The following MTA2 variants were observed in gnomAD, a reference collection of about 807,000 sequenced individuals.
MTA2 encodes metastasis-associated protein MTA2.
MTA2 carries 22 observed loss-of-function variants against 87.1 expected under a neutral mutation model. The observed-to-expected ratio is 0.25, with a 90% CI of 0.18 to 0.36. The LOEUF (loss-of-function observed/expected upper bound fraction) is 0.36. MTA2 is among the 10% of genes least tolerant of loss of function. MTA2 has a pLI of 1.00. For synonymous variants in MTA2, 314 were observed against 310.1 expected (o/e 1.01, Z -0.13); for missense variants, 542 against 853.2 (o/e 0.64, Z 4.54).
At chr11:62,599,920 C>T (rs1942154841) in intron 3 of MTA2, among the ~76,000 whole-genome samples, 1 of 152,232 alleles carries the variant, frequency 6.6e-6, no homozygotes. Context: ...CGTCCTCATA[C>T]TCTAAATGTT....
intron 10 of MTA2, 53 bp from the exon 11 acceptor site, chr11:62,596,390 T>C: frequency 6.2e-7 from 1 of 1,613,134 alleles, no homozygotes; most frequent in East Asian, 2.2e-5. Flanking sequence ...GCAGGGAGAA[T>C]GTCATCAACT....
At position 62,594,294 on chromosome 11, in the gene MTA2, G is replaced by T; in HGVS notation, c.1806C>A (p.Pro602=). 1 of 1,614,184 alleles carries T rather than the reference G, an allele frequency of 6.2e-7. No individual in the cohort carries two copies. Among genetic ancestry groups the T allele is most frequent in the Non-Finnish European group, 8.5e-7 (1 of 1,180,038 alleles). Residue 602 remains proline (P), a synonymous_variant, in exon 17 of 18, where the codon CCC becomes CCA. Coordinates refer to ENST00000278823, the MANE Select transcript of MTA2 (RefSeq NM_004739.4). ...TTGTGGCCACAAACACCACAGGATT[G>T]GGGGCATCAGCTGGGTTTAGTTTCT... ...KRQKLNPADA[P]NPVVFVATKD... is the part of the protein sequence containing the mutation.
chr11:62,593,782 C>T lies in MTA2; in HGVS notation c.*93G>A. On this transcript the variant is annotated 3_prime_UTR_variant, in exon 18 of 18. Coordinates refer to ENST00000278823, the MANE Select transcript of MTA2 (RefSeq NM_004739.4). ...CACTTGCTCTCTTCCTTAATTCACT[C>T]CTCACTCCCTTCGACACGAAAGGGA... The T allele has an allele frequency of 6.7e-7, 1 of 1,503,274 alleles. No homozygotes were observed. The highest frequency in any genetic ancestry group is 9.1e-7 in the Non-Finnish European group (1 of 1,098,872). 93.1% of individuals were successfully genotyped at this position (1,503,274 alleles called of 1,614,324 possible). A position where few individuals can be genotyped will look rare whatever the true frequency, so the allele number is the denominator to read the frequency against.
intron 15 of MTA2, 122 bp downstream of exon 15, chr11:62,594,859 G>A (rs1358316165): frequency 1.0e-6 from 1 of 975,018 alleles, no homozygotes; most frequent in African/African-American, 1.6e-5. Flanking sequence ...AACAACAAAA[G>A]TACAGTTTGT....
rs79825424 is a variant in MTA2 at position 62,593,794 on chromosome 11, C to T, written c.*81G>A. The T allele has an allele frequency of 0.04, 62,042 of 1,549,644 alleles. 1,424 individuals are homozygous for T. The highest frequency in any genetic ancestry group is 0.056 in the Middle Eastern group (284 of 5,028). ...TCCTTAATTCACTCCTCACTCCCTT[C>T]GACACGAAAGGGAAGGGAGGTTTGG... On this transcript the variant is annotated 3_prime_UTR_variant, in exon 18 of 18. Coordinates refer to ENST00000278823, the MANE Select transcript of MTA2 (RefSeq NM_004739.4).
rs749531335 is a variant in MTA2 at position 62,597,347 on chromosome 11, C to T, written c.662G>A (p.Ser221Asn). Residue 221 changes from serine (S) to asparagine (N), a missense_variant, in exon 8 of 18, where the codon AGT becomes AAT. Transcript: ENST00000278823. ...GATATCTCGGGAGGCAGCAGCTGCACTCATGTGCAAGCTTGGCTGCCGAAT... is the reference window on the plus strand; with the variant it reads ...GATATCTCGGGAGGCAGCAGCTGCATTCATGTGCAAGCTTGGCTGCCGAAT... ...SSIRQPSLHM[S>N]AAAASRDITL... The T allele has an allele frequency of 6.2e-7, 1 of 1,611,684 alleles. No homozygotes were observed. Among genetic ancestry groups the T allele is most frequent in the Admixed American group, 1.7e-5 (1 of 59,362 alleles).
Position 62,595,684 on chromosome 11 carries a change from G to C in MTA2, c.1254+68C>G. 6.3e-7 allele frequency: 1 copy of C among 1,588,900 alleles called. No homozygotes were observed. ...ACCATATAAAGAGTTGAATATTCTG[G>C]CCTTCACCTAAGCTCACCATCAATA... On this transcript the variant is annotated intron_variant, in intron 13 of 17. Transcript: ENST00000278823. This position sits in a 1 kb window ranked among gnomAD's most constrained non-coding sequence, Gnocchi z 4.9.
Position 62,594,654 on chromosome 11 carries a change from T to G in MTA2, c.1574-20A>C. The G allele has an allele frequency of 1.2e-6, 2 of 1,602,606 alleles. No homozygotes were observed. The highest frequency in any genetic ancestry group is 3.3e-5 in the Admixed American group (2 of 59,756). On this transcript the variant is annotated intron_variant, in intron 15 of 17. Transcript: ENST00000278823. ...GGGCCACTGGAAAAAAACAGAAAAC[T>G]TTCGCACCTTTTCTTCCCACGCAGT...
intron 1 of MTA2, 69 bp downstream of exon 1, chr11:62,601,354 C>T: frequency 6.4e-7 from 1 of 1,571,954 alleles, no homozygotes; most frequent in Non-Finnish European, 8.7e-7. Context: ...CCACCCGGTG[C>T]CGAGCCCCTC....
rs200825288 is a variant in MTA2, at chr11:62,593,960, G to A, written c.1922C>T (p.Thr641Met). Residue 641 changes from threonine (T) to methionine (M), a missense_variant, in exon 18 of 18, where the codon ACG becomes ATG. Transcript: ENST00000278823. ...GACAGGGGGCCGCACTGCAATCAGCGTTGGCTTCACCTTCAGGGGCAAGTT... is the reference window on the plus strand; with the variant it reads ...GACAGGGGGCCGCACTGCAATCAGCATTGGCTTCACCTTCAGGGGCAAGTT... ...RPNLPLKVKPTLIAVRPPVPL... is the reference protein window; with the variant it reads ...RPNLPLKVKPMLIAVRPPVPL... 47 of 1,614,116 alleles carry A rather than the reference G, an allele frequency of 2.9e-5. No homozygotes were observed. The African/African-American group carries it at 3.2e-4, about 11-fold the overall frequency.
intron 3 of MTA2, 58 bp downstream of exon 3, chr11:62,600,108 G>GAC (rs1942156352): frequency 6.1e-6 from 9 of 1,483,026 alleles, no homozygotes; most frequent in Non-Finnish European, 8.5e-6. Context: ...TACCTGCAGG[G>GAC]ACATGCCCAG....
rs752877506 is a variant in MTA2 at position 62,595,598 on chromosome 11, C to G, written c.1255-106G>C. On this transcript the variant is annotated intron_variant, in intron 13 of 17. Transcript: ENST00000278823. This position sits in a 1 kb window ranked among gnomAD's most constrained non-coding sequence, Gnocchi z 4.9. ...AATTTATTCCTGTCTAATCTCTTTACTGACCTCTTGGCCTATGTGTCTCCC... is the reference window on the plus strand; with the variant it reads ...AATTTATTCCTGTCTAATCTCTTTAGTGACCTCTTGGCCTATGTGTCTCCC... 4.0e-5 allele frequency: 61 copies of G among 1,515,272 alleles called. No homozygotes were observed. Among genetic ancestry groups the G allele is most frequent in the Non-Finnish European group, 5.4e-5 (60 of 1,109,418 alleles). The allele number at this position is 1,515,272 out of a possible 1,614,324, so 93.9% of individuals were successfully genotyped here. A position where few individuals can be genotyped will look rare whatever the true frequency, so the allele number is the denominator to read the frequency against.
At chr11:62,598,241 T>G in intron 5 of MTA2, 86 bp downstream of exon 5, 1 of 1,561,802 alleles carries the variant, frequency 6.4e-7, no homozygotes, top group South Asian at 1.1e-5. Context: ...CTGGCAACCC[T>G]GTACCTCATC....
intron 1 of MTA2, chr11:62,600,989 GAAGT>G: frequency 6.1e-6 from 3 of 488,528 alleles, no homozygotes; most frequent in Non-Finnish European, 3.6e-6. Flanking sequence ...CAGTCGCGGC[GAAGT>G]AATTGTCCGC....
intron 2 of MTA2, 138 bp from the exon 3 acceptor site, chr11:62,600,397 A>G (rs1371148236): frequency 1.2e-6 from 1 of 825,972 alleles, no homozygotes. Context: ...ATATGAGTAA[A>G]GACTTACATT....
At chr11:62,600,732 G>A (rs1942174383) in intron 1 of MTA2, 43 bp from the exon 2 acceptor site, 2 of 1,566,196 alleles carry the variant, frequency 1.3e-6, no homozygotes, top group African/African-American at 2.7e-5. Flanking sequence ...GATCAGAGGA[G>A]ATGGGAGACG....
rs765775899 is a variant in MTA2, at chr11:62,596,450, G to A, written c.957+8C>T. On this transcript the variant is annotated splice_region_variant and intron_variant, in intron 10 of 17. Coordinates refer to ENST00000278823, the MANE Select transcript of MTA2 (RefSeq NM_004739.4). Reference sequence around the variant, plus strand: ...CCTATGGTCCACCCTCCCCAGCCCAGATAATACCTGCTGAATATACCGGTC... The same window carrying A: ...CCTATGGTCCACCCTCCCCAGCCCAAATAATACCTGCTGAATATACCGGTC... The A allele has an allele frequency of 6.2e-7, 1 of 1,613,836 alleles. No individual in the cohort carries two copies. The highest frequency in any genetic ancestry group is 8.5e-7 in the Non-Finnish European group (1 of 1,179,852).
rs746555775 is a variant in MTA2 at position 62,596,358 on chromosome 11, A to G, written c.958-21T>C. 2.5e-6 allele frequency: 4 copies of G among 1,614,030 alleles called. No individual in the cohort carries two copies. In the East Asian group the frequency reaches 6.7e-5, roughly 27 times the overall value. On this transcript the variant is annotated intron_variant, in intron 10 of 17. Coordinates refer to ENST00000278823, the MANE Select transcript of MTA2 (RefSeq NM_004739.4). ...CTTTTCTGTAAGAAGGTAAAAAGAA[A>G]GAGAAGGATCAGAGCCTCATAGCAG...
rs373340730 is a variant in MTA2 at position 62,593,978 on chromosome 11, G to A, written c.1904C>T (p.Pro635Leu). The A allele has an allele frequency of 1.2e-6, 2 of 1,613,900 alleles. No individual in the cohort carries two copies. Among genetic ancestry groups the A allele is most frequent in the African/African-American group, 1.3e-5 (1 of 74,926 alleles). The change falls in exon 18 of 18, where the codon CCC (proline) becomes CTC (leucine). Residue 635 changes from proline to leucine, a missense_variant. Pro to Leu is a moderately conservative substitution (Grantham distance 98). This residue lies in a region of MTA2 where 269 missense variants were observed against 346.4 expected (regional missense o/e 0.78). Transcript: ENST00000278823. ...MRRAARRPNL[P>L]LKVKPTLIAV... ...AATCAGCGTTGGCTTCACCTTCAGG[G>A]GCAAGTTGGGTCGGCGAGCAGCTCG... is the stretch of plus-strand genomic sequence containing the variant.
Sources: allele counts gnomAD v4.1 joint callset (sites outside exome capture counted in the v4.1 genomes callset), GRCh38; gene constraint gnomAD v4.1.1; regional missense constraint gnomAD v4.1.1; non-coding constraint Gnocchi (gnomAD v3.1); transcripts MANE v1.5; gene names NCBI Gene and HGNC (gene_info 2026-07-23, HGNC 2026-07-21).